AIG1: variants seen among roughly 807,000 people sequenced by gnomAD.
The protein encoded by AIG1 is androgen induced 1, also known as androgen-induced gene 1 protein.
Under a neutral mutation model 31.4 loss-of-function variants are expected in AIG1, and 23 were observed. The ratio of observed to expected loss-of-function variants is 0.73; its 90% CI spans 0.53 to 1.04. AIG1 has a LOEUF of 1.04. Among genes scored for constraint, AIG1 ranks in the 50% least tolerant of loss-of-function variants. AIG1 has a pLI of 0.00. For missense variants in AIG1, 274 were observed against 295.0 expected, an observed-to-expected ratio of 0.93 and a Z score of 0.52; for synonymous variants, 100 against 110.5, an observed-to-expected ratio of 0.90 and a Z score of 0.60.
At chr6:143,139,311 TAAACCAGAAGTCCCAG>T (rs1342588735) in intron 2 of AIG1, among the ~76,000 whole-genome samples, 1 of 147,502 alleles carries the variant, frequency 6.8e-6, no homozygotes, top group Non-Finnish European at 1.5e-5. Context: ...CCATCCCTCT[TAAACCAGAAGTCCCAG>T]CATCACACTT....
intron 3 of AIG1, among the ~76,000 whole-genome samples, chr6:143,168,309 A>G (rs1034701517): frequency 6.6e-6 from 1 of 151,668 alleles, no homozygotes; most frequent in South Asian, 2.1e-4. Flanking sequence ...CACAACGTGC[A>G]GGTTTGTTAC....
chr6:143,066,471 C>T (rs2128458089), intron 1 of AIG1, among the ~76,000 whole-genome samples: 1 of 152,160 alleles, frequency 6.6e-6, no homozygotes, highest in East Asian at 1.9e-4. Context: ...CAGGGTTTTA[C>T]TATGTTGGCC....
intron 3 of AIG1, among the ~76,000 whole-genome samples, chr6:143,229,163 T>G (rs1793239852): frequency 6.6e-6 from 1 of 152,252 alleles, no homozygotes; most frequent in African/African-American, 2.4e-5. Flanking sequence ...CTCTGTTTCT[T>G]GCAATTTGAA....
intron 2 of AIG1, among the ~76,000 whole-genome samples, chr6:143,141,359 T>G (rs190585791): frequency 9.2e-5 from 14 of 152,304 alleles, no homozygotes; most frequent in African/African-American, 2.9e-4. Context: ...CAGTAATTGC[T>G]GTATGTGAGC....
chr6:143,269,598 A>G (rs1796363448), intron 3 of AIG1, among the ~76,000 whole-genome samples: 1 of 152,242 alleles, frequency 6.6e-6, no homozygotes, highest in African/African-American at 2.4e-5. Flanking sequence ...GAATGAATAA[A>G]TACATCATAT....
chr6:143,073,771 T>C (rs751520999), intron 1 of AIG1, among the ~76,000 whole-genome samples: 1 of 152,222 alleles, frequency 6.6e-6, no homozygotes, highest in Non-Finnish European at 1.5e-5. Context: ...TTGTATGTTA[T>C]ATGGCAAAAG....
intron 3 of AIG1, among the ~76,000 whole-genome samples, chr6:143,232,518 C>G (rs1196166784): frequency 2.0e-5 from 3 of 152,166 alleles, no homozygotes; most frequent in African/African-American, 7.2e-5. Flanking sequence ...AACTATCCAC[C>G]ATCCCCCAAA....
chr6:143,241,512 A>G (rs1158828614), intron 3 of AIG1, among the ~76,000 whole-genome samples: 1 of 152,042 alleles, frequency 6.6e-6, no homozygotes. Flanking sequence ...ATGCCGCTCT[A>G]CTGTTAAACT....
In AIG1 at chr6:143,100,063, C is replaced by G. The variant is rs573084550; in HGVS notation, c.142-36772C>G. Among the ~76,000 whole-genome samples, 6 of 152,280 alleles carry G rather than the reference C, an allele frequency of 3.9e-5. No individual in the cohort carries two copies. The South Asian group carries it at 1.2e-3, about 32-fold the overall frequency. Reference sequence around the variant, plus strand: ...CATGCTGACTTTAGAATATATTTACCTTTTCTATAGTTTCCATCAGCATTG... The same window carrying G: ...CATGCTGACTTTAGAATATATTTACGTTTTCTATAGTTTCCATCAGCATTG... On this transcript the variant is annotated intron_variant, in intron 1 of 5. Transcript: ENST00000357847.
intron 3 of AIG1, chr6:143,186,579 G>A (rs955636812): frequency 5.9e-5 from 9 of 152,180 alleles, no homozygotes; most frequent in African/African-American, 2.2e-4. Flanking sequence ...ACAGACTGTT[G>A]TTAGTAAACA....
chr6:143,190,199 G>T (rs911054762), intron 3 of AIG1: 2 of 916,856 alleles, frequency 2.2e-6, no homozygotes, highest in Non-Finnish European at 1.3e-6. Context: ...ATGAGAAAAA[G>T]AAAGGAAAGT....
intron 4 of AIG1, among the ~76,000 whole-genome samples, chr6:143,306,673 T>C (rs1484507876): frequency 1.3e-5 from 2 of 151,954 alleles, no homozygotes; most frequent in East Asian, 1.9e-4. Context: ...CTGACAATTA[T>C]GTGTCTTGGA....
chr6:143,182,538 A>G (rs1451648448), intron 3 of AIG1, among the ~76,000 whole-genome samples: 1 of 151,772 alleles, frequency 6.6e-6, no homozygotes, highest in Non-Finnish European at 1.5e-5. Context: ...AGTAATACCT[A>G]CCCCGAGCAG....
intron 4 of AIG1, among the ~76,000 whole-genome samples, chr6:143,312,420 C>G (rs1775366415): frequency 6.6e-6 from 1 of 152,046 alleles, no homozygotes; most frequent in Admixed American, 6.6e-5. Flanking sequence ...CTGCAATAAA[C>G]CCATTTTTGA....
chr6:143,335,090 A>T, intron 5 of AIG1: 1 of 1,450,362 alleles, frequency 6.9e-7, no homozygotes, highest in Non-Finnish European at 9.1e-7. Flanking sequence ...CCATCTAGTT[A>T]GTTCCACAAA....
At chr6:143,266,363 A>AAT (rs1554263353) in intron 3 of AIG1, among the ~76,000 whole-genome samples, 109 of 150,666 alleles carry the variant, frequency 7.2e-4, no homozygotes, top group South Asian at 1.7e-3. Flanking sequence ...AAAAAAAAAA[A>AAT]AAGAATAATA....
At chr6:143,226,999 T>TG (rs1210616293) in intron 3 of AIG1, among the ~76,000 whole-genome samples, 1 of 150,718 alleles carries the variant, frequency 6.6e-6, no homozygotes, top group East Asian at 1.9e-4. Flanking sequence ...TTTTTTTTTT[T>TG]TTTTTTTAGT....
At chr6:143,260,565 A>G (rs1045596036) in intron 3 of AIG1, among the ~76,000 whole-genome samples, 1 of 152,372 alleles carries the variant, frequency 6.6e-6, no homozygotes, top group Admixed American at 6.5e-5. Flanking sequence ...AGAAAGAATC[A>G]GGAAAAGACC....
Position 143,271,114 on chromosome 6 carries a change from C to T in AIG1, c.400-12996C>T, listed in dbSNP as rs76910927. ...AAGCCACCACACTCAGGCATGAGGC[C>T]GTCAAATGTGAGTGTTTGCAGATGT... On this transcript the variant is annotated intron_variant, in intron 3 of 5. Coordinates refer to ENST00000357847, the MANE Select transcript of AIG1 (RefSeq NM_016108.4). Among the ~76,000 whole-genome samples, 1,436 of 152,236 alleles carry T rather than the reference C, an allele frequency of 9.4e-3. 43 individuals carry two copies. Among genetic ancestry groups the T allele is most frequent in the East Asian group, 0.064 (333 of 5,178 alleles).
Sources: allele counts gnomAD v4.1 joint callset (sites outside exome capture counted in the v4.1 genomes callset), GRCh38; gene constraint gnomAD v4.1.1; transcripts MANE v1.5; gene names NCBI Gene and HGNC (gene_info 2026-07-23, HGNC 2026-07-21).